Variants in CSMD1 observed in about 807,000 individuals in gnomAD.
CSMD1 encodes the protein CUB and Sushi multiple domains 1.
Under a neutral mutation model 417.5 loss-of-function variants are expected in CSMD1, and 213 were observed. The observed-to-expected ratio is 0.51, with a 90% confidence interval of 0.46 to 0.57. CSMD1 has a LOEUF of 0.57. CSMD1 is among the 20% of genes least tolerant of loss of function. The probability of loss-of-function intolerance (pLI) is 0.00; values close to 1 mark genes in which losing one functional copy is unlikely to be tolerated. For synonymous variants in CSMD1, 2,862 were observed against 1,736.8 expected (o/e 1.65, Z -16.11); for missense variants, 6,923 against 4,529.7 (o/e 1.53, Z -15.17).
At chr8:3,769,481 G>C (rs1356760713) in intron 5 of CSMD1, among the ~76,000 whole-genome samples, 1 of 119,022 alleles carries the variant, frequency 8.4e-6, no homozygotes, top group Admixed American at 7.9e-5. Context: ...CACAGTTGTT[G>C]AGAAAATAGA....
At chr8:4,616,644 TG>T (rs1365983109) in intron 2 of CSMD1, among the ~76,000 whole-genome samples, 1 of 152,206 alleles carries the variant, frequency 6.6e-6, no homozygotes, top group African/African-American at 2.4e-5. Flanking sequence ...ACATTGGACA[TG>T]CCAACGCTTG....
At chr8:4,385,270 C>T (rs1367897692) in intron 3 of CSMD1, among the ~76,000 whole-genome samples, 1 of 152,192 alleles carries the variant, frequency 6.6e-6, no homozygotes, top group African/African-American at 2.4e-5. Context: ...GTTTATTCAT[C>T]AGGCTTTCAA....
intron 3 of CSMD1, among the ~76,000 whole-genome samples, chr8:4,307,369 A>G (rs1290963009): frequency 6.6e-6 from 1 of 152,140 alleles, no homozygotes. Flanking sequence ...GAGGTGGTGG[A>G]GCACAGCTTG....
chr8:4,191,453 A>T (rs1799027846), intron 3 of CSMD1, among the ~76,000 whole-genome samples: 1 of 152,124 alleles, frequency 6.6e-6, no homozygotes, highest in African/African-American at 2.4e-5. Context: ...AAACTAAAAA[A>T]AATTGAACAA....
rs186612025 is a variant in CSMD1, at chr8:4,447,981, T to C, written c.303-27916A>G. On this transcript the variant is annotated intron_variant, in intron 2 of 69. Coordinates refer to ENST00000635120, the MANE Select transcript of CSMD1 (RefSeq NM_033225.6). ...AATGCTAATAGTACCAAAAAGCCTC[T>C]TGGAAATTTTTGCCAGGGGCAGGTG... Among the ~76,000 whole-genome samples the C allele has an allele frequency of 1.8e-3, 273 of 152,292 alleles. 1 individual carries two copies. Among genetic ancestry groups the C allele is most frequent in the African/African-American group, 6.4e-3 (266 of 41,576 alleles).
chr8:3,769,535 A>G, intron 5 of CSMD1, among the ~76,000 whole-genome samples: 1 of 151,982 alleles, frequency 6.6e-6, no homozygotes, highest in Non-Finnish European at 1.5e-5. Context: ...AAAATTAGTG[A>G]CAAAAATACA....
intron 3 of CSMD1, among the ~76,000 whole-genome samples, chr8:4,076,185 T>C (rs751662899): frequency 1.3e-5 from 2 of 152,242 alleles, no homozygotes; most frequent in East Asian, 3.9e-4. Flanking sequence ...CGACAGTGAG[T>C]GAGTTCTCAC....
chr8:4,281,204 T>A (rs998502120), intron 3 of CSMD1, among the ~76,000 whole-genome samples: 1 of 152,122 alleles, frequency 6.6e-6, no homozygotes, highest in Non-Finnish European at 1.5e-5. Flanking sequence ...CCTGGAAATA[T>A]AAAAGTGGAA....
At chr8:3,093,234 C>G (rs1227281729) in intron 47 of CSMD1, among the ~76,000 whole-genome samples, 1 of 152,140 alleles carries the variant, frequency 6.6e-6, no homozygotes, top group Non-Finnish European at 1.5e-5. Context: ...TGATGTCTTT[C>G]TAAGAAAAGG....
At position 4,062,783 on chromosome 8, in the gene CSMD1, C is replaced by T. The variant is rs1799045737; in HGVS notation, c.416-30684G>A. The stretch of plus-strand genomic sequence containing the variant: ...GCATGCTCAGTAAAATCTGATTGTT[C>T]AAACCCAGTATCTGTCAGCATCACG... On this transcript the variant is annotated intron_variant, in intron 3 of 69. Transcript: ENST00000635120. Among the ~76,000 whole-genome samples the T allele has an allele frequency of 2.0e-5, 3 of 151,288 alleles. No homozygotes were observed. The South Asian group carries it at 6.2e-4, about 31-fold the overall frequency.
chr8:4,896,445 T>C (rs1474877978), intron 1 of CSMD1, among the ~76,000 whole-genome samples: 1 of 152,138 alleles, frequency 6.6e-6, no homozygotes, highest in African/African-American at 2.4e-5. Context: ...TTATGGAGCA[T>C]CTACCAGGAA....
chr8:3,501,018 T>C (rs1796578034), intron 10 of CSMD1, among the ~76,000 whole-genome samples: 1 of 152,168 alleles, frequency 6.6e-6, no homozygotes, highest in Admixed American at 6.5e-5. Context: ...ATTCAAATAA[T>C]ATGTATTTTC....
intron 3 of CSMD1, among the ~76,000 whole-genome samples, chr8:4,138,536 G>A (rs1039905206): frequency 1.3e-5 from 2 of 152,084 alleles, no homozygotes; most frequent in East Asian, 1.9e-4. Flanking sequence ...TGAGGAAAGT[G>A]ATGGCTATTT....
chr8:3,384,023 C>A (rs951266813), intron 18 of CSMD1, among the ~76,000 whole-genome samples: 22 of 151,972 alleles, frequency 1.4e-4, no homozygotes, highest in Non-Finnish European at 7.4e-5. Flanking sequence ...TAGTGCCAGA[C>A]AATTAAGGTT....
intron 2 of CSMD1, among the ~76,000 whole-genome samples, chr8:4,453,651 GC>G (rs1436172463): frequency 4.6e-5 from 7 of 151,810 alleles, no homozygotes; most frequent in Non-Finnish European, 1.0e-4. Flanking sequence ...TGTATCTCTA[GC>G]CCCCGACACC....
chr8:4,391,095 A>C (rs1803820983), intron 3 of CSMD1, among the ~76,000 whole-genome samples: 1 of 152,178 alleles, frequency 6.6e-6, no homozygotes, highest in African/African-American at 2.4e-5. Flanking sequence ...TGAGGACATA[A>C]ACTGAAGGCA....
At chr8:3,699,307 C>A (rs1018329579) in intron 7 of CSMD1, among the ~76,000 whole-genome samples, 3 of 152,216 alleles carry the variant, frequency 2.0e-5, no homozygotes, top group Non-Finnish European at 4.4e-5. Flanking sequence ...TCCTTCCATG[C>A]AGTGGATATC....
chr8:4,648,235 T>A lies in CSMD1; in HGVS notation c.86-10677A>T, dbSNP rs184066604. Reference sequence around the variant, plus strand: ...TCTTCTTTTGAGAAGTGTCTGTTCATATCCTTTGCCCACTTTTTGATGGGG... The same window carrying A: ...TCTTCTTTTGAGAAGTGTCTGTTCAAATCCTTTGCCCACTTTTTGATGGGG... On this transcript the variant is annotated intron_variant, in intron 1 of 69. Coordinates refer to ENST00000635120, the MANE Select transcript of CSMD1 (RefSeq NM_033225.6). 1.7e-3 allele frequency among the ~76,000 whole-genome samples: 252 copies of A among 152,346 alleles called. 4 individuals carry two copies. The highest frequency in any genetic ancestry group is 5.9e-3 in the African/African-American group (245 of 41,584).
chr8:4,936,700 G>A (rs568804722), intron 1 of CSMD1, among the ~76,000 whole-genome samples: 1 of 152,248 alleles, frequency 6.6e-6, no homozygotes, highest in South Asian at 2.1e-4. Context: ...ATATTTCACT[G>A]TAATTCATTA....
Sources: allele counts gnomAD v4.1 joint callset (sites outside exome capture counted in the v4.1 genomes callset), GRCh38; gene constraint gnomAD v4.1.1; transcripts MANE v1.5; gene names NCBI Gene and HGNC (gene_info 2026-07-23, HGNC 2026-07-21).